Variants in FGFR1 observed in about 807,000 individuals in gnomAD.
FGFR1 encodes FGFR1/PLAG1 fusion.
FGFR1 carries 18 observed loss-of-function variants against 93.7 expected under a neutral mutation model. That is an observed-to-expected ratio of 0.19 (90% CI 0.13 to 0.28). The LOEUF (loss-of-function observed/expected upper bound fraction) is 0.28, where lower values mean the gene tolerates loss of function less well. Among genes scored for constraint, FGFR1 ranks in the 10% least tolerant of loss-of-function variants. The pLI, the probability that FGFR1 is intolerant of heterozygous loss-of-function variation, is 1.00. For missense variants in FGFR1, 731 were observed against 1,080.4 expected, an observed-to-expected ratio of 0.68 and a Z score of 4.53; for synonymous variants, 448 against 429.3, an observed-to-expected ratio of 1.04 and a Z score of -0.54.
chr8:38,422,038 AG>A (rs1225120104), intron 7 of FGFR1, 97 bp from the exon 8 acceptor site: 1 of 1,385,394 alleles, frequency 7.2e-7, no homozygotes, highest in East Asian at 2.4e-5. Flanking sequence ...GGGGGACTAG[AG>A]GAAGAAATGC....
intron 13 of FGFR1, among the ~76,000 whole-genome samples, chr8:38,415,183 TC>T (rs886666585): frequency 2.0e-5 from 3 of 152,192 alleles, no homozygotes; most frequent in Non-Finnish European, 2.9e-5. Flanking sequence ...GCACAGCAAG[TC>T]CACATGGGGC....
intron 2 of FGFR1, among the ~76,000 whole-genome samples, chr8:38,438,068 C>T (rs1229719205): frequency 2.6e-5 from 4 of 152,202 alleles, no homozygotes; most frequent in Non-Finnish European, 5.9e-5. Flanking sequence ...AGCACGCTCA[C>T]TATATCCCAT....
At chr8:38,454,430 C>T (rs964275982) in intron 2 of FGFR1, among the ~76,000 whole-genome samples, 2 of 152,126 alleles carry the variant, frequency 1.3e-5, no homozygotes, top group African/African-American at 4.8e-5. Flanking sequence ...ATCTAAACTC[C>T]CCTCAAACCT....
At chr8:38,414,357 CTA>C (rs1815522358) in intron 15 of FGFR1, 68 bp from the exon 16 acceptor site, 2 of 1,609,734 alleles carry the variant, frequency 1.2e-6, no homozygotes, top group Admixed American at 1.7e-5. Flanking sequence ...CACAAATCCT[CTA>C]CCCAGGGCAG....
intron 12 of FGFR1, among the ~76,000 whole-genome samples, chr8:38,416,343 G>A (rs17176037): frequency 4.3e-4 from 65 of 152,232 alleles, no homozygotes; most frequent in African/African-American, 1.5e-3. Context: ...GGAGTGCAGT[G>A]GCGCAATTTC....
intron 12 of FGFR1, among the ~76,000 whole-genome samples, chr8:38,416,354 G>A (rs777146288): frequency 2.4e-4 from 36 of 152,058 alleles, no homozygotes; most frequent in South Asian, 4.1e-4. Flanking sequence ...GCGCAATTTC[G>A]GCTCACTGCA....
At position 38,413,445 on chromosome 8, in the gene FGFR1, A is replaced by ATCTC; in HGVS notation, c.*182_*183insGAGA. Reference sequence around the variant, plus strand: ...TTGCACCTCTCACCAGCAGGTGGAGAGGAGGTGGAGGGAGAGGTGAGCTGA... The same window carrying ATCTC: ...TTGCACCTCTCACCAGCAGGTGGAGATCTCGGAGGTGGAGGGAGAGGTGAGCTGA... On this transcript the variant is annotated 3_prime_UTR_variant, in exon 18 of 18. Transcript: ENST00000447712. This position sits in a 1 kb window ranked among gnomAD's most constrained non-coding sequence, Gnocchi z 4.2. The ATCTC allele has an allele frequency of 1.6e-6, 1 of 615,992 alleles. No homozygotes were observed. The highest frequency in any genetic ancestry group is 2.9e-6 in the Non-Finnish European group (1 of 349,388). The allele number at this position is 615,992 out of a possible 1,614,324, so 38.2% of individuals were successfully genotyped here. A position where few individuals can be genotyped will look rare whatever the true frequency, so the allele number is the denominator to read the frequency against.
chr8:38,425,460 T>A (rs1444058429), intron 6 of FGFR1, among the ~76,000 whole-genome samples: 1 of 152,156 alleles, frequency 6.6e-6, no homozygotes, highest in Non-Finnish European at 1.5e-5. Context: ...CTGGAGCTCA[T>A]AAGCCACTGC....
Position 38,468,203 on chromosome 8 carries a change from G to A in FGFR1, c.-311C>T, listed in dbSNP as rs1056762909. 2.2e-5 allele frequency: 5 copies of A among 228,530 alleles called. No individual in the cohort carries two copies. The highest frequency in any genetic ancestry group is 6.7e-5 in the African/African-American group (3 of 45,012). The allele number at this position is 228,530 out of a possible 1,614,324, so 14.2% of individuals were successfully genotyped here. A position where few individuals can be genotyped will look rare whatever the true frequency, so the allele number is the denominator to read the frequency against. ...GAGCCGGAGCTGGTGCCCCGGAGGC[G>A]GGGCGGGGGGAGGGCTCCCGTCCGC... On this transcript the variant is annotated 5_prime_UTR_variant, in exon 1 of 18. Transcript: ENST00000447712.
intron 2 of FGFR1, among the ~76,000 whole-genome samples, chr8:38,456,393 T>C (rs1017512660): frequency 1.4e-4 from 21 of 152,194 alleles, no homozygotes; most frequent in African/African-American, 4.3e-4. Context: ...CTGTTACCGA[T>C]GATGGCTCTG....
intron 1 of FGFR1, chr8:38,466,315 G>A (rs983928903): frequency 3.4e-5 from 8 of 232,184 alleles, no homozygotes; most frequent in Non-Finnish European, 6.8e-5. Context: ...TCCGGGCAGG[G>A]CAGGCGCTCC....
intron 2 of FGFR1, among the ~76,000 whole-genome samples, chr8:38,451,903 C>A (rs1433697045): frequency 1.3e-5 from 2 of 152,084 alleles, no homozygotes. Flanking sequence ...CCTCTGCAAG[C>A]TCAGAATGTT....
chr8:38,430,193 G>C (rs931037731), intron 2 of FGFR1: 2 of 561,672 alleles, frequency 3.6e-6, no homozygotes, highest in Non-Finnish European at 6.3e-6. Flanking sequence ...GTCAAAGGAA[G>C]AAAGAGGCAA....
chr8:38,466,908 CA>C (rs1563657224), intron 1 of FGFR1, among the ~76,000 whole-genome samples: 86 of 139,170 alleles, frequency 6.2e-4, no homozygotes, highest in African/African-American at 1.8e-3. Context: ...CCCCCCCCAC[CA>C]CCACCAAAAA....
rs1015873089 is a variant in FGFR1 at position 38,424,799 on chromosome 8, T to C, written c.746-100A>G. ...CCCACTTGGCTTTCCCAGTGATGGG[T>C]TGTAAACCTCCCAGCACTTCTGCTG... is the stretch of plus-strand genomic sequence containing the variant. On this transcript the variant is annotated intron_variant, in intron 6 of 17. Transcript: ENST00000447712. This position sits in a 1 kb window ranked among gnomAD's most constrained non-coding sequence, Gnocchi z 4.3. 11 of 1,239,618 alleles carry C rather than the reference T, an allele frequency of 8.9e-6. No homozygotes were observed. The East Asian group carries it at 9.5e-5, about 11-fold the overall frequency. The allele number at this position is 1,239,618 out of a possible 1,614,324, so 76.8% of individuals were successfully genotyped here. A position where few individuals can be genotyped will look rare whatever the true frequency, so the allele number is the denominator to read the frequency against.
At chr8:38,425,856 C>A (rs973126537) in intron 6 of FGFR1, 4 of 515,610 alleles carry the variant, frequency 7.8e-6, no homozygotes, top group Non-Finnish European at 3.5e-6. Flanking sequence ...TCCAACAACG[C>A]CTCCTTCAGG....
intron 1 of FGFR1, chr8:38,458,756 C>A (rs558913155): frequency 2.3e-5 from 5 of 219,608 alleles, no homozygotes; most frequent in Non-Finnish European, 4.6e-5. Context: ...CTCCTGGGTA[C>A]TTTCTTTTTG....
intron 15 of FGFR1, 61 bp downstream of exon 15, chr8:38,414,498 C>G (rs1815578319): frequency 3.1e-6 from 5 of 1,592,356 alleles, no homozygotes; most frequent in Non-Finnish European, 4.3e-6. Context: ...GAAAGCAGGA[C>G]TCTACAGTGC....
In FGFR1 at chr8:38,468,357, G is replaced by C. The variant is rs1835975433; in HGVS notation, c.-465C>G. 1 of 228,296 alleles carries C rather than the reference G, an allele frequency of 4.4e-6. No individual in the cohort carries two copies. Among genetic ancestry groups the C allele is most frequent in the Non-Finnish European group, 8.7e-6 (1 of 114,710 alleles). 14.1% of individuals were successfully genotyped at this position (228,296 alleles called of 1,614,324 possible). A position where few individuals can be genotyped will look rare whatever the true frequency, so the allele number is the denominator to read the frequency against. ...CCGCGGCGTGCCCGACTGCAGCACG[G>C]GTACCGTGCGCCCTGCGGGGCGCCC... is the stretch of plus-strand genomic sequence containing the variant. On this transcript the variant is annotated 5_prime_UTR_variant, in exon 1 of 18. Transcript: ENST00000447712.
Sources: allele counts gnomAD v4.1 joint callset (sites outside exome capture counted in the v4.1 genomes callset), GRCh38; gene constraint gnomAD v4.1.1; non-coding constraint Gnocchi (gnomAD v3.1); transcripts MANE v1.5; gene names NCBI Gene and HGNC (gene_info 2026-07-23, HGNC 2026-07-21).